Variants in TUT1 observed in about 807,000 individuals in gnomAD.
TUT1 encodes terminal uridylyl transferase 1, U6 snRNA-specific, also known as speckle targeted PIP5K1A-regulated poly(A) polymerase.
Under a neutral mutation model 48.8 loss-of-function variants are expected in TUT1, and 26 were observed. The ratio of observed to expected loss-of-function variants is 0.53; its 90% CI spans 0.39 to 0.74. The LOEUF is 0.74. Ranked by LOEUF, TUT1 falls within the 30% of genes least tolerant of loss-of-function variation. The pLI, the probability that TUT1 is intolerant of heterozygous loss-of-function variation, is 0.00. For missense variants in TUT1, 1,065 were observed against 1,114.8 expected (o/e 0.96, Z 0.64); for synonymous variants, 470 against 460.8 (o/e 1.02, Z -0.26).
chr11:62,581,122 T>A lies in TUT1; in HGVS notation c.674A>T (p.Asp225Val). ...CDLDLFLDLG[D>V]LEEPQPVPKA... is the part of the protein sequence containing the mutation. ...CTCACTCACCTGGGGCTCTTCCAAG[T>A]CACCCAGATCCAAGAAGAGGTCAAG... Residue 225 changes from aspartate (D) to valine (V), a missense_variant, in exon 4 of 9, where the codon GAC becomes GTC. Physicochemically the swap from Asp to Val is radical, Grantham distance 152. Coordinates refer to ENST00000476907, the MANE Select transcript of TUT1 (RefSeq NM_022830.3). The A allele has an allele frequency of 6.2e-7, 1 of 1,613,986 alleles. No individual in the cohort carries two copies. Among genetic ancestry groups the A allele is most frequent in the East Asian group, 2.2e-5 (1 of 44,876 alleles).
chr11:62,576,633 C>T (rs369659889), intron 8 of TUT1, 24 bp downstream of exon 8: 43 of 1,599,166 alleles, frequency 2.7e-5, no homozygotes, highest in Admixed American at 1.2e-4. Flanking sequence ...ATTACTAGTC[C>T]TCTACCAGGC....
At position 62,575,542 on chromosome 11, in the gene TUT1, T is replaced by A. The variant is rs1941707102; in HGVS notation, c.2177A>T (p.Glu726Val). Residue 726 changes from glutamate (E) to valine (V), a missense_variant, in exon 9 of 9, where the codon GAA (glutamate) becomes GTA (valine). Physicochemically the swap from Glu to Val is moderately radical, Grantham distance 121. Coordinates refer to ENST00000476907, the MANE Select transcript of TUT1 (RefSeq NM_022830.3). Reference sequence around the variant, plus strand: ...GGCTGCGTGGCTGGGCTGCCCCTCTTCTCCAGGGGCTCCATGCTTTCCAGT... The same window carrying A: ...GGCTGCGTGGCTGGGCTGCCCCTCTACTCCAGGGGCTCCATGCTTTCCAGT... ...LTTGKHGAPG[E>V]EGQPSHAALA... 2 of 1,613,670 alleles carry A rather than the reference T, an allele frequency of 1.2e-6. No individual in the cohort carries two copies. The highest frequency in any genetic ancestry group is 2.7e-5 in the African/African-American group (2 of 74,872).
chr11:62,578,993 G>A lies in TUT1; in HGVS notation c.728C>T (p.Ser243Leu), dbSNP rs1487791023. The part of the protein sequence containing the change: ...PKAPESPSLD[S>L]ALASPLDPQA... ...AGGGTCCAGTGGGGAAGCCAGGGCC[G>A]AGTCCAGCGATGGAGATTCTGGAGC... Residue 243 changes from serine to leucine, a missense_variant, in exon 5 of 9, where the codon TCG becomes TTG. Transcript: ENST00000476907. 8 of 1,516,562 alleles carry A rather than the reference G, an allele frequency of 5.3e-6. No individual in the cohort carries two copies. Among genetic ancestry groups the A allele is most frequent in the East Asian group, 2.3e-5 (1 of 44,006 alleles). The allele number at this position is 1,516,562 out of a possible 1,614,324, so 93.9% of individuals were successfully genotyped here.
In TUT1 at chr11:62,589,161, G is replaced by C; in HGVS notation, c.143C>G (p.Ala48Gly). 1 of 1,614,248 alleles carries C rather than the reference G, an allele frequency of 6.2e-7. No homozygotes were observed. Among genetic ancestry groups the C allele is most frequent in the African/African-American group, 1.3e-5 (1 of 75,064 alleles). ...RKHRHLVELR[A>G]ARKAQGLRSV... Reference sequence around the variant, plus strand: ...TCGAAGTCCCTGGGCCTTTCTCGCAGCTCGTAGTTCTACCAGGTGCCGGTG... The same window carrying C: ...TCGAAGTCCCTGGGCCTTTCTCGCACCTCGTAGTTCTACCAGGTGCCGGTG... The change falls in exon 2 of 9, where the codon GCT (alanine) becomes GGT (glycine). Residue 48 changes from alanine to glycine, a missense_variant. Physicochemically the swap from Ala to Gly is moderately conservative, Grantham distance 60. Transcript: ENST00000476907.
intron 2 of TUT1, among the ~76,000 whole-genome samples, chr11:62,585,464 T>G (rs755329976): frequency 6.6e-6 from 1 of 152,208 alleles, no homozygotes; most frequent in East Asian, 1.9e-4. Context: ...TCTCTTTCAC[T>G]GGGCCTGTCT....
rs761270793 is a variant in TUT1, at chr11:62,575,502, C to G, written c.2217G>C (p.Gly739=). ...QPSHAALAER[G]PKGHEAAQEW... is the part of the protein sequence containing the mutation. ...CTTGGGCTGCCTCATGTCCCTTGGG[C>G]CCCCGCTCTGCCAGGGCTGCGTGGC... Residue 739 remains glycine (G), a synonymous_variant, in exon 9 of 9, where the codon GGG becomes GGC. Coordinates refer to ENST00000476907, the MANE Select transcript of TUT1 (RefSeq NM_022830.3). 18 of 1,612,702 alleles carry G rather than the reference C, an allele frequency of 1.1e-5. No individual in the cohort carries two copies. Among genetic ancestry groups the G allele is most frequent in the African/African-American group, 2.7e-5 (2 of 74,936 alleles).
intron 2 of TUT1, among the ~76,000 whole-genome samples, chr11:62,585,756 G>A (rs1729579008): frequency 6.6e-6 from 1 of 152,202 alleles, no homozygotes; most frequent in African/African-American, 2.4e-5. Flanking sequence ...CCAAGATCGT[G>A]CCACTGCACT....
chr11:62,579,987 A>C (rs1941799782), intron 4 of TUT1, among the ~76,000 whole-genome samples: 1 of 152,074 alleles, frequency 6.6e-6, no homozygotes, highest in Admixed American at 6.6e-5. Flanking sequence ...TTTGAAAATA[A>C]TAATAGGCTG....
chr11:62,577,675 G>C (rs1941752172), intron 5 of TUT1, among the ~76,000 whole-genome samples: 1 of 152,102 alleles, frequency 6.6e-6, no homozygotes, highest in African/African-American at 2.4e-5. Context: ...AGGAGAGAGG[G>C]CAAGGGGCGA....
At position 62,578,817 on chromosome 11, in the gene TUT1, G is replaced by A. The variant is rs1485067834; in HGVS notation, c.904C>T (p.Pro302Ser). The A allele has an allele frequency of 4.3e-6, 7 of 1,614,142 alleles. No individual in the cohort carries two copies. Among genetic ancestry groups the A allele is most frequent in the Non-Finnish European group, 5.9e-6 (7 of 1,180,022 alleles). ...SALASETLASPQSLPPASPLL... is the reference protein window; with the variant it reads ...SALASETLASSQSLPPASPLL... The stretch of plus-strand genomic sequence containing the variant: ...GGTGAAGCTGGAGGCAGAGACTGGG[G>A]AGAAGCAAGGGTCTCGGAGGCCAAG... Residue 302 changes from proline (P) to serine (S), a missense_variant, in exon 5 of 9, where the codon CCC becomes TCC. Transcript: ENST00000476907.
chr11:62,576,857 A>C (rs747361123), intron 7 of TUT1, 50 bp downstream of exon 7: 1 of 1,600,204 alleles, frequency 6.2e-7, no homozygotes, highest in Admixed American at 1.7e-5. Context: ...TGTGATGAAG[A>C]AGAGAGAGGA....
chr11:62,576,746 TC>T lies in TUT1; in HGVS notation c.1384del (p.Glu462ArgfsTer25). 1.2e-6 allele frequency: 2 copies of T among 1,613,968 alleles called. No homozygotes were observed. The highest frequency in any genetic ancestry group is 1.1e-5 in the South Asian group (1 of 91,074). On this transcript the variant is annotated frameshift_variant and splice_region_variant, in exon 8 of 9. Transcript: ENST00000476907. LOFTEE classifies it high-confidence loss of function. ...TVSQLTQKAG[E>X]GEQVEVDGWD... ...GCCATCGACTTCCACCTGTTCCCCC[TC>T]TCCTGTGAAAGTAAATAAGGTGAGA... is the stretch of plus-strand genomic sequence containing the variant.
chr11:62,576,954 C>G lies in TUT1; in HGVS notation c.1334G>C (p.Arg445Thr), dbSNP rs1313861711. 6.2e-7 allele frequency: 1 copy of G among 1,614,000 alleles called. No individual in the cohort carries two copies. The highest frequency in any genetic ancestry group is 1.3e-5 in the African/African-American group (1 of 74,914). The change falls in exon 7 of 9, where the codon AGG becomes ACG. Residue 445 changes from arginine to threonine, a missense_variant. By Grantham distance (71) the Arg-to-Thr change is moderately conservative. Coordinates refer to ENST00000476907, the MANE Select transcript of TUT1 (RefSeq NM_022830.3). ...CACAGTGGGCAACACAGGAGGGTCCCTGGTCTGAAGAAAATAGATCACCAG... is the reference window on the plus strand; with the variant it reads ...CACAGTGGGCAACACAGGAGGGTCCGTGGTCTGAAGAAAATAGATCACCAG... ...TLLVIYFLQT[R>T]DPPVLPTVSQ...
chr11:62,589,091 C>CT lies in TUT1; in HGVS notation c.212dup (p.Leu72AlafsTer3). On this transcript the variant is annotated frameshift_variant, in exon 2 of 9. Coordinates refer to ENST00000476907, the MANE Select transcript of TUT1 (RefSeq NM_022830.3). LOFTEE classifies it high-confidence loss of function. ...CAAATGCTAGGAAGTACTCAGAGAG[C>CT]TGAGCAGAATCCACATCCCTGGGAA... is the stretch of plus-strand genomic sequence containing the variant. 5 of 1,614,220 alleles carry CT rather than the reference C, an allele frequency of 3.1e-6. No homozygotes were observed. The highest frequency in any genetic ancestry group is 4.2e-6 in the Non-Finnish European group (5 of 1,180,034).
At chr11:62,576,786 CAAG>C (rs1262611642) in intron 7 of TUT1, 37 bp from the exon 8 acceptor site, 2 of 1,611,042 alleles carry the variant, frequency 1.2e-6, no homozygotes, top group South Asian at 2.2e-5. Flanking sequence ...AGTCTGGAAG[CAAG>C]GAGATTGAGG....
Position 62,581,152 on chromosome 11 carries a change from C to T in TUT1, c.644G>A (p.Cys215Tyr). 1 of 1,614,150 alleles carries T rather than the reference C, an allele frequency of 6.2e-7. No homozygotes were observed. The highest frequency in any genetic ancestry group is 8.5e-7 in the Non-Finnish European group (1 of 1,180,014). Residue 215 changes from cysteine to tyrosine, a missense_variant, in exon 4 of 9, where the codon TGT (cysteine) becomes TAT (tyrosine). Physicochemically the swap from Cys to Tyr is radical, Grantham distance 194 (BLOSUM62 -2). Transcript: ENST00000476907. ...CAGATCCAAGAAGAGGTCAAGATCA[C>T]AGCCATGGACATCGAAGCTATTTAT... ...SSINSFDVHG[C>Y]DLDLFLDLGD...
At position 62,581,396 on chromosome 11, in the gene TUT1, C is replaced by A; in HGVS notation, c.579G>T (p.Glu193Asp). 6.2e-7 allele frequency: 1 copy of A among 1,601,868 alleles called. No homozygotes were observed. Among genetic ancestry groups the A allele is most frequent in the Non-Finnish European group, 8.5e-7 (1 of 1,174,732 alleles). Residue 193 changes from glutamate (E) to aspartate (D), a missense_variant, in exon 3 of 9, where the codon GAG becomes GAT. Physicochemically the swap from Glu to Asp is conservative, Grantham distance 45. Coordinates refer to ENST00000476907, the MANE Select transcript of TUT1 (RefSeq NM_022830.3). Reference protein sequence around the residue: ...VVALMQEVFTEFFPGCVVHPF... With the variant: ...VVALMQEVFTDFFPGCVVHPF... ...GGGGAGGTAACTTACCAGGGAAGAA[C>A]TCTGTGAAGACCTCCTGCATCAGGG...
At chr11:62,589,296 A>T in intron 1 of TUT1, 75 bp from the exon 2 acceptor site, 1 of 1,402,822 alleles carries the variant, frequency 7.1e-7, no homozygotes, top group African/African-American at 1.4e-5. Flanking sequence ...TGCATACCTA[A>T]ATCTTACTGA....
intron 2 of TUT1, chr11:62,582,543 C>T: frequency 2.2e-6 from 1 of 450,662 alleles, no homozygotes; most frequent in South Asian, 1.6e-5. Flanking sequence ...CTGCAGTGAG[C>T]TGTGATTGTG....
Sources: allele counts gnomAD v4.1 joint callset (sites outside exome capture counted in the v4.1 genomes callset), GRCh38; gene constraint gnomAD v4.1.1; transcripts MANE v1.5; gene names NCBI Gene and HGNC (gene_info 2026-07-23, HGNC 2026-07-21).